RECK: variants seen among roughly 807,000 people sequenced by gnomAD.
RECK encodes the protein reversion-inducing cysteine-rich protein with Kazal motifs.
In RECK, 69 loss-of-function variants were observed where a neutral mutation model predicts 115.1. The ratio of observed to expected loss-of-function variants is 0.60; its 90% CI spans 0.49 to 0.73. The LOEUF is 0.73. Ranked by LOEUF, RECK falls within the 30% of genes least tolerant of loss-of-function variation. The pLI, the probability that RECK is intolerant of heterozygous loss-of-function variation, is 0.00. For synonymous variants in RECK, 414 were observed against 419.7 expected (o/e 0.99, Z 0.17); for missense variants, 1,047 against 1,203.7 (o/e 0.87, Z 1.93).
rs1162560250 is a variant in RECK, at chr9:36,043,182, G to A, written c.100+6084G>A. Among the ~76,000 whole-genome samples the A allele has an allele frequency of 1.8e-3, 242 of 134,098 alleles. 3 individuals are homozygous for A. The highest frequency in any genetic ancestry group is 4.6e-3 in the Middle Eastern group (1 of 218). 88.0% of individuals were successfully genotyped at this position (134,098 alleles called of 152,430 possible). A position where few individuals can be genotyped will look rare whatever the true frequency, so the allele number is the denominator to read the frequency against. On this transcript the variant is annotated intron_variant, in intron 1 of 20. Transcript: ENST00000377966. The stretch of plus-strand genomic sequence containing the variant: ...TGGGACTACAGGCGCCTGCCACCAC[G>A]CCTGGCTAATTTTTTTTTTTTTTTT...
chr9:36,065,228 TAAAAAAAAAAAAAAAAAA>T (rs561725701), intron 5 of RECK, among the ~76,000 whole-genome samples: 16 of 50,542 alleles, frequency 3.2e-4, no homozygotes, highest in African/African-American at 9.1e-4. Context: ...GGAATTCAGC[TAAAAAAAAAAAAAAAAAA>T]AAAAAAAAAT....
chr9:36,100,992 G>T (rs1823545829), intron 11 of RECK, among the ~76,000 whole-genome samples: 1 of 150,650 alleles, frequency 6.6e-6, no homozygotes, highest in Admixed American at 6.6e-5. Context: ...TTTTGAGATG[G>T]AGTCTCACTC....
At chr9:36,067,295 T>C (rs1588290265) in intron 6 of RECK, among the ~76,000 whole-genome samples, 1 of 152,258 alleles carries the variant, frequency 6.6e-6, no homozygotes, top group East Asian at 1.9e-4. Context: ...ATCTTTTCCT[T>C]AATACTGGAA....
At chr9:36,074,288 A>G (rs910298262) in intron 6 of RECK, among the ~76,000 whole-genome samples, 2 of 152,170 alleles carry the variant, frequency 1.3e-5, no homozygotes, top group African/African-American at 4.8e-5. Context: ...GAGTTCATAT[A>G]ATTATCTTTG....
At chr9:36,098,288 C>CA (rs2132647566) in intron 10 of RECK, among the ~76,000 whole-genome samples, 1 of 152,236 alleles carries the variant, frequency 6.6e-6, no homozygotes, top group South Asian at 2.1e-4. Flanking sequence ...AGCCATTCCA[C>CA]ATGTGTCATG....
At position 36,117,194 on chromosome 9, in the gene RECK, G is replaced by A; in HGVS notation, c.2253+17G>A. 1 of 1,578,348 alleles carries A rather than the reference G, an allele frequency of 6.3e-7. No homozygotes were observed. The highest frequency in any genetic ancestry group is 8.6e-7 in the Non-Finnish European group (1 of 1,160,154). ...CCCTGCCAGGTACAGTGCTTTGGCT[G>A]ACAAAACAAAGTACACTACGGATAA... On this transcript the variant is annotated intron_variant, in intron 17 of 20. Coordinates refer to ENST00000377966, the MANE Select transcript of RECK (RefSeq NM_021111.3).
intron 19 of RECK, 23 bp from the exon 20 acceptor site, chr9:36,121,510 T>C: frequency 6.2e-7 from 1 of 1,607,440 alleles, no homozygotes; most frequent in Non-Finnish European, 8.5e-7. Context: ...TTTTTTCAGG[T>C]AATACATGTT....
intron 13 of RECK, among the ~76,000 whole-genome samples, chr9:36,106,205 G>A (rs1311265492): frequency 2.3e-4 from 28 of 123,804 alleles, no homozygotes; most frequent in African/African-American, 8.7e-4. Flanking sequence ...GCCAGACTCC[G>A]TCTCAAAAAA....
intron 6 of RECK, among the ~76,000 whole-genome samples, chr9:36,067,935 G>A (rs1426339416): frequency 6.6e-6 from 1 of 152,112 alleles, no homozygotes; most frequent in Admixed American, 6.5e-5. Context: ...TGGATCAAAG[G>A]TATGTTATCA....
At chr9:36,120,184 G>A (rs980413155) in intron 18 of RECK, among the ~76,000 whole-genome samples, 6 of 151,764 alleles carry the variant, frequency 4.0e-5, no homozygotes, top group East Asian at 1.9e-4. Flanking sequence ...GCAGTGAGCC[G>A]AGATCGCGCC....
At chr9:36,091,974 A>G (rs1823174855) in intron 10 of RECK, among the ~76,000 whole-genome samples, 1 of 152,224 alleles carries the variant, frequency 6.6e-6, no homozygotes, top group Non-Finnish European at 1.5e-5. Flanking sequence ...ATAAGTTACA[A>G]CCCAGAAATA....
chr9:36,101,020 G>A (rs112917429), intron 11 of RECK, among the ~76,000 whole-genome samples: 20,526 of 151,218 alleles, frequency 0.14, 1,802 homozygotes, highest in South Asian at 0.22. Context: ...AGGCTGGAGT[G>A]CAGTGGCATG....
chr9:36,074,040 A>C (rs1822348344), intron 6 of RECK, among the ~76,000 whole-genome samples: 1 of 152,090 alleles, frequency 6.6e-6, no homozygotes, highest in East Asian at 1.9e-4. Context: ...CACCCCCCAC[A>C]AAAAAAGCTG....
chr9:36,065,388 T>G (rs1407619911), intron 5 of RECK, among the ~76,000 whole-genome samples, 189 bp from the exon 6 acceptor site: 2 of 152,168 alleles, frequency 1.3e-5, no homozygotes, highest in African/African-American at 4.8e-5. Context: ...CAGATTATGT[T>G]TGTTTTAAAG....
At position 36,087,910 on chromosome 9, in the gene RECK, T is replaced by G. The variant is rs2132633902; in HGVS notation, c.854T>G (p.Leu285Arg). 3.1e-6 allele frequency: 5 copies of G among 1,613,522 alleles called. No homozygotes were observed. The highest frequency in any genetic ancestry group is 4.2e-6 in the Non-Finnish European group (5 of 1,179,496). The change falls in exon 9 of 21, where the codon CTC (leucine) becomes CGC (arginine). Residue 285 changes from leucine to arginine, a missense_variant. Physicochemically the swap from Leu to Arg is moderately radical, Grantham distance 102 (BLOSUM62 -2). Transcript: ENST00000377966. Reference sequence around the variant, plus strand: ...GTACACCCTCCTCCCTCTACAGGCCTCGATGGGGCTAAATTGCATTGTTGT... The same window carrying G: ...GTACACCCTCCTCCCTCTACAGGCCGCGATGGGGCTAAATTGCATTGTTGT... ...VTVHPPPSTG[L>R]DGAKLHCCSK...
In RECK at chr9:36,099,072, A is replaced by G. The variant is rs549706740; in HGVS notation, c.1086-1259A>G. Among the ~76,000 whole-genome samples the G allele has an allele frequency of 2.0e-5, 3 of 152,126 alleles. No individual in the cohort carries two copies. The East Asian group carries it at 5.8e-4, about 29-fold the overall frequency. On this transcript the variant is annotated intron_variant, in intron 10 of 20. Coordinates refer to ENST00000377966, the MANE Select transcript of RECK (RefSeq NM_021111.3). ...AAAACCTTGTCTCTAAAGAAAATAC[A>G]AAAATTAACCAGGTGTGGTGGTGGG...
chr9:36,081,832 CA>C (rs71336424), intron 7 of RECK, among the ~76,000 whole-genome samples: 4,615 of 122,938 alleles, frequency 0.038, 216 homozygotes, highest in African/African-American at 0.12. Context: ...GACTGTGTCT[CA>C]AAAAAAAAAA....
At chr9:36,053,264 A>G (rs1821380811) in intron 2 of RECK, among the ~76,000 whole-genome samples, 1 of 152,114 alleles carries the variant, frequency 6.6e-6, no homozygotes, top group African/African-American at 2.4e-5. Flanking sequence ...ATAAAGCCCT[A>G]CCTTTCTTTC....
intron 11 of RECK, among the ~76,000 whole-genome samples, chr9:36,100,819 A>T (rs529490841): frequency 2.0e-4 from 30 of 152,312 alleles, no homozygotes; most frequent in African/African-American, 6.3e-4. Flanking sequence ...ACAGATTCCT[A>T]TAGACCTTTA....
Sources: allele counts gnomAD v4.1 joint callset (sites outside exome capture counted in the v4.1 genomes callset), GRCh38; gene constraint gnomAD v4.1.1; transcripts MANE v1.5; gene names NCBI Gene and HGNC (gene_info 2026-07-23, HGNC 2026-07-21).